Variants in TTC3 observed in about 807,000 individuals in gnomAD.
The protein encoded by TTC3 is tetratricopeptide repeat domain 3.
Under a neutral mutation model 249.6 loss-of-function variants are expected in TTC3, and 180 were observed. That is an observed-to-expected ratio of 0.72 (90% CI 0.64 to 0.82). The LOEUF is 0.82. Ranked by LOEUF, TTC3 falls within the 40% of genes least tolerant of loss-of-function variation. The pLI, the probability that TTC3 is intolerant of heterozygous loss-of-function variation, is 0.00. For missense variants in TTC3, 2,061 were observed against 2,398.4 expected, an observed-to-expected ratio of 0.86 and a Z score of 2.94; for synonymous variants, 717 against 805.0, an observed-to-expected ratio of 0.89 and a Z score of 1.85.
intron 10 of TTC3, chr21:37,096,984 G>GA (rs561283075): frequency 4.5e-5 from 8 of 178,636 alleles, no homozygotes; most frequent in Non-Finnish European, 9.3e-5. Flanking sequence ...TTTGAACACA[G>GA]ATTTTATCTG....
intron 10 of TTC3, among the ~76,000 whole-genome samples, chr21:37,106,170 G>GT (rs1323303033): frequency 6.6e-6 from 1 of 152,134 alleles, no homozygotes; most frequent in Non-Finnish European, 1.5e-5. Context: ...GATTAAGGAT[G>GT]TTTCAGATTT....
chr21:37,195,853 C>G, exon 42 of TTC3: 1 of 1,614,252 alleles, frequency 6.2e-7, no homozygotes, highest in Non-Finnish European at 8.5e-7. Context: ...CCTGGTCAGC[C>G]TGAAGCCACT....
chr21:37,149,376 C>A (rs940236663), intron 23 of TTC3, among the ~76,000 whole-genome samples: 2 of 115,634 alleles, frequency 1.7e-5, no homozygotes, highest in Non-Finnish European at 3.8e-5. Context: ...GAAATAAATT[C>A]TCACATTTTG....
intron 32 of TTC3, among the ~76,000 whole-genome samples, chr21:37,165,099 G>A (rs560481141): frequency 6.6e-6 from 1 of 152,142 alleles, no homozygotes; most frequent in Non-Finnish European, 1.5e-5. Flanking sequence ...TTTGCTTCAG[G>A]CATCCAAAAG....
chr21:37,197,895 A>G (rs1333049065), exon 44 of TTC3: 1 of 1,612,836 alleles, frequency 6.2e-7, no homozygotes. Context: ...AACCCAGGAA[A>G]GGACAAGAGG....
chr21:37,193,761 A>C (rs1211359816), intron 41 of TTC3: 4 of 152,220 alleles, frequency 2.6e-5, no homozygotes, highest in African/African-American at 9.6e-5. Context: ...TGTGCCCTCA[A>C]AGTGCACATG....
chr21:37,140,182 T>A (rs1444624268), intron 19 of TTC3, among the ~76,000 whole-genome samples: 1 of 151,942 alleles, frequency 6.6e-6, no homozygotes, highest in Non-Finnish European at 1.5e-5. Context: ...TCCAAGGGAT[T>A]AGCACTTAAT....
At chr21:37,130,829 A>G (rs1419803446) in intron 16 of TTC3, among the ~76,000 whole-genome samples, 1 of 152,112 alleles carries the variant, frequency 6.6e-6, no homozygotes, top group African/African-American at 2.4e-5. Context: ...ATCAGACAGT[A>G]CTTCAAACAT....
At chr21:37,160,926 A>C (rs1190616589) in intron 30 of TTC3, 68 bp downstream of exon 30, 2 of 1,439,516 alleles carry the variant, frequency 1.4e-6, no homozygotes, top group African/African-American at 2.9e-5. Context: ...CATATACATT[A>C]GAATTGAGCA....
At chr21:37,158,197 G>A in intron 28 of TTC3, 2 of 985,428 alleles carry the variant, frequency 2.0e-6, no homozygotes, top group Non-Finnish European at 2.4e-6. Flanking sequence ...TCAGTTTGCT[G>A]CTGCTGGTAA....
chr21:37,176,952 C>G (rs1004686803), intron 35 of TTC3, among the ~76,000 whole-genome samples: 4 of 152,170 alleles, frequency 2.6e-5, no homozygotes, highest in African/African-American at 9.7e-5. Flanking sequence ...TAATCACTGT[C>G]ATAATAATGC....
chr21:37,110,891 G>A (rs1235890388), intron 11 of TTC3, among the ~76,000 whole-genome samples: 2 of 152,122 alleles, frequency 1.3e-5, no homozygotes, highest in African/African-American at 2.4e-5. Context: ...AGAGAGTGGG[G>A]GCGAATATTC....
chr21:37,095,565 ATT>A, intron 9 of TTC3, 121 bp downstream of exon 9: 1 of 641,626 alleles, frequency 1.6e-6, no homozygotes, highest in Non-Finnish European at 2.6e-6. Context: ...TGCAGAATAG[ATT>A]TTCTCATCCT....
chr21:37,165,980 C>T lies in TTC3; in HGVS notation c.3766C>T (p.Pro1256Ser), dbSNP rs754928051. 7 of 1,614,178 alleles carry T rather than the reference C, an allele frequency of 4.3e-6. No individual in the cohort carries two copies. In the East Asian group the frequency reaches 1.6e-4, roughly 36 times the overall value. The change falls in exon 33 of 46, where the codon CCA (proline) becomes TCA (serine). Residue 1256 changes from proline (P) to serine (S), a missense_variant. This residue lies in a region of TTC3 where 1,040 missense variants were observed against 1,186.1 expected (regional missense o/e 0.88). Coordinates refer to ENST00000355666, the Ensembl canonical transcript of TTC3. ...AGCTTGTGAAGATGTGAAGGCCAAACCAGTATCCGACAATTCTTCTAGACA... is the reference window on the plus strand; with the variant it reads ...AGCTTGTGAAGATGTGAAGGCCAAATCAGTATCCGACAATTCTTCTAGACA...
chr21:37,128,991 T>G lies in TTC3; in HGVS notation c.1298-12T>G. 6.4e-7 allele frequency: 1 copy of G among 1,562,006 alleles called. No homozygotes were observed. The highest frequency in any genetic ancestry group is 8.6e-7 in the Non-Finnish European group (1 of 1,156,964). On this transcript the variant is annotated splice_polypyrimidine_tract_variant and intron_variant, in intron 15 of 45. Transcript: ENST00000355666. ...GTACAGATTTTAGGAACAAATACTT[T>G]TGTGTTCACAGGTCAGCCTCCAAAA...
intron 10 of TTC3, among the ~76,000 whole-genome samples, chr21:37,104,891 G>C (rs988830376): frequency 1.3e-5 from 2 of 152,234 alleles, no homozygotes; most frequent in African/African-American, 4.8e-5. Context: ...GAACTCCCCA[G>C]ATGGTACTAA....
chr21:37,163,603 G>C (rs957762873), intron 31 of TTC3, among the ~76,000 whole-genome samples: 1 of 152,052 alleles, frequency 6.6e-6, no homozygotes, highest in African/African-American at 2.4e-5. Context: ...GCCTGCCTTG[G>C]CCTCCCAAAG....
chr21:37,185,255 G>T (rs1365407653), intron 36 of TTC3, among the ~76,000 whole-genome samples: 1 of 152,248 alleles, frequency 6.6e-6, no homozygotes, highest in African/African-American at 2.4e-5. Flanking sequence ...CAGAGAATGT[G>T]AGTGTGTGTG....
chr21:37,077,708 T>C (rs7280371), intron 1 of TTC3, among the ~76,000 whole-genome samples: 69,053 of 152,028 alleles, frequency 0.45, 16,225 homozygotes, highest in Non-Finnish European at 0.52. Flanking sequence ...CTTTTGTATG[T>C]TTATGAACTG....
Sources: allele counts gnomAD v4.1 joint callset (sites outside exome capture counted in the v4.1 genomes callset), GRCh38; gene constraint gnomAD v4.1.1; regional missense constraint gnomAD v4.1.1; transcripts MANE v1.5; gene names NCBI Gene and HGNC (gene_info 2026-07-23, HGNC 2026-07-21).